ANO4: variants seen among roughly 807,000 people sequenced by gnomAD.
The protein encoded by ANO4 is anoctamin 4.
In ANO4, 69 loss-of-function variants were observed where a neutral mutation model predicts 141.9. The observed-to-expected ratio is 0.49, with a 90% CI of 0.40 to 0.59. The LOEUF (loss-of-function observed/expected upper bound fraction) is 0.59. ANO4 is among the 20% of genes least tolerant of loss of function. The probability of loss-of-function intolerance (pLI) is 0.00; values close to 1 mark genes in which losing one functional copy is unlikely to be tolerated. For synonymous variants in ANO4, 350 were observed against 394.3 expected, an observed-to-expected ratio of 0.89 and a Z score of 1.33; for missense variants, 894 against 1,162.2, an observed-to-expected ratio of 0.77 and a Z score of 3.36.
chr12:100,864,877 C>T (rs955585694), intron 1 of ANO4, among the ~76,000 whole-genome samples: 1 of 152,092 alleles, frequency 6.6e-6, no homozygotes, highest in Non-Finnish European at 1.5e-5. Flanking sequence ...GTGATGTTCC[C>T]CTCCTTGTGT....
At chr12:100,982,527 C>T (rs548971526) in intron 7 of ANO4, among the ~76,000 whole-genome samples, 94 of 152,342 alleles carry the variant, frequency 6.2e-4, no homozygotes, top group Middle Eastern at 6.8e-3. Context: ...AAAGAGCAAT[C>T]TATGTAGAAG....
At chr12:101,028,711 C>G (rs1188785677) in intron 9 of ANO4, among the ~76,000 whole-genome samples, 1 of 152,100 alleles carries the variant, frequency 6.6e-6, no homozygotes, top group Non-Finnish European at 1.5e-5. Flanking sequence ...ATTGGAGTAC[C>G]ACCTGAAGCA....
intron 7 of ANO4, among the ~76,000 whole-genome samples, chr12:100,982,699 T>C (rs1344970783): frequency 6.6e-6 from 1 of 152,258 alleles, no homozygotes; most frequent in African/African-American, 2.4e-5. Context: ...AGAGGTTTAA[T>C]TACTTGCCCA....
chr12:101,098,339 T>C (rs1230875973), intron 21 of ANO4, among the ~76,000 whole-genome samples: 1 of 152,222 alleles, frequency 6.6e-6, no homozygotes, highest in African/African-American at 2.4e-5. Flanking sequence ...TTGACAACAA[T>C]GAGCAAAACC....
chr12:100,801,969 C>T (rs922942958), intron 1 of ANO4, among the ~76,000 whole-genome samples: 1 of 152,186 alleles, frequency 6.6e-6, no homozygotes, highest in Non-Finnish European at 1.5e-5. Context: ...AGAGCAGTTG[C>T]GCAGTACATA....
At chr12:100,869,028 C>G (rs1216523847) in intron 1 of ANO4, among the ~76,000 whole-genome samples, 1 of 152,190 alleles carries the variant, frequency 6.6e-6, no homozygotes, top group African/African-American at 2.4e-5. Context: ...TCAGTTGAAC[C>G]ACATAAACAC....
chr12:101,009,709 C>T (rs2134338), intron 8 of ANO4, among the ~76,000 whole-genome samples: 34,721 of 151,876 alleles, frequency 0.23, 4,230 homozygotes, highest in Non-Finnish European at 0.28. Flanking sequence ...TCTATGTTTA[C>T]TTATATTACT....
At chr12:101,007,325 G>C (rs1206029910) in intron 8 of ANO4, among the ~76,000 whole-genome samples, 4 of 152,168 alleles carry the variant, frequency 2.6e-5, no homozygotes, top group Non-Finnish European at 5.9e-5. Flanking sequence ...CCTCCAGCCT[G>C]GGGGAGAGAG....
At chr12:100,936,637 G>T (rs1199372577) in intron 3 of ANO4, among the ~76,000 whole-genome samples, 1 of 152,086 alleles carries the variant, frequency 6.6e-6, no homozygotes, top group Non-Finnish European at 1.5e-5. Flanking sequence ...CAGTGTCCTT[G>T]TTCCCCCTTT....
intron 1 of ANO4, among the ~76,000 whole-genome samples, chr12:100,732,182 T>C (rs1699549861): frequency 6.6e-6 from 1 of 152,252 alleles, no homozygotes; most frequent in South Asian, 2.1e-4. Flanking sequence ...TCTTCTAGAA[T>C]GGCTGTACCA....
intron 8 of ANO4, among the ~76,000 whole-genome samples, chr12:100,998,237 G>A (rs1284269096): frequency 6.6e-6 from 1 of 152,164 alleles, no homozygotes; most frequent in East Asian, 1.9e-4. Context: ...TCCCTCCCGT[G>A]CTGGATGCTT....
At chr12:100,834,103 A>G (rs1358971903) in intron 1 of ANO4, among the ~76,000 whole-genome samples, 4 of 152,124 alleles carry the variant, frequency 2.6e-5, no homozygotes, top group Non-Finnish European at 5.9e-5. Context: ...GAGACGAGGA[A>G]TCTGGTGAAC....
intron 3 of ANO4, among the ~76,000 whole-genome samples, chr12:100,924,930 T>C (rs1303240546): frequency 6.6e-6 from 1 of 152,130 alleles, no homozygotes. Flanking sequence ...AACTGTTCTG[T>C]AGTTTAGAAG....
intron 5 of ANO4, among the ~76,000 whole-genome samples, chr12:100,965,100 C>T (rs1405095682): frequency 6.6e-6 from 1 of 152,130 alleles, no homozygotes; most frequent in Non-Finnish European, 1.5e-5. Flanking sequence ...CAATGGGATT[C>T]ATGGCTATCT....
intron 13 of ANO4, among the ~76,000 whole-genome samples, chr12:101,044,485 C>T (rs2202160): frequency 0.24 from 36,177 of 152,130 alleles, 4,516 homozygotes; most frequent in Non-Finnish European, 0.28. Flanking sequence ...TTTGAGTTTG[C>T]GAAGACTTTT....
intron 1 of ANO4, among the ~76,000 whole-genome samples, chr12:100,797,756 T>C (rs2034423580): frequency 6.6e-6 from 1 of 152,140 alleles, no homozygotes; most frequent in African/African-American, 2.4e-5. Context: ...ATAAACCAAG[T>C]CTCCCTTTTA....
At chr12:101,063,171 G>C (rs960423158) in intron 14 of ANO4, among the ~76,000 whole-genome samples, 10 of 152,214 alleles carry the variant, frequency 6.6e-5, no homozygotes, top group African/African-American at 2.4e-4. Flanking sequence ...TCCTGGGTGA[G>C]ACAGTGCCCT....
chr12:101,079,387 A>C (rs2049153293), intron 15 of ANO4, 112 bp downstream of exon 15: 2 of 860,312 alleles, frequency 2.3e-6, no homozygotes, highest in Non-Finnish European at 3.7e-6. Flanking sequence ...TGTACTCATA[A>C]AGCATTTTCA....
At chr12:100,811,454 A>G (rs1281993323) in intron 1 of ANO4, among the ~76,000 whole-genome samples, 2 of 152,180 alleles carry the variant, frequency 1.3e-5, no homozygotes, top group Non-Finnish European at 2.9e-5. Flanking sequence ...TGACATTTGT[A>G]AAAGTTTTTT....
Sources: gnomAD v4.1 joint callset for allele counts (sites outside exome capture counted in the v4.1 genomes callset) on GRCh38, gnomAD v4.1.1 for gene constraint, MANE v1.5 for transcripts, NCBI Gene and HGNC (gene_info 2026-07-23, HGNC 2026-07-21) for gene names.